The following CHSY1 variants were observed in gnomAD, a reference collection of about 807,000 sequenced individuals.
The protein encoded by CHSY1 is N-acetylgalactosaminyl-proteoglycan 3-beta-glucuronosyltransferase 1.
In CHSY1, 13 loss-of-function variants were observed where a neutral mutation model predicts 59.8. The ratio of observed to expected loss-of-function variants is 0.22; its 90% CI spans 0.14 to 0.35. The LOEUF (loss-of-function observed/expected upper bound fraction) is 0.35, where lower values mean the gene tolerates loss of function less well. Among genes scored for constraint, CHSY1 ranks in the 10% least tolerant of loss-of-function variants. The pLI is 1.00. For synonymous variants in CHSY1, 459 were observed against 401.2 expected (o/e 1.14, Z -1.72); for missense variants, 947 against 1,030.6 (o/e 0.92, Z 1.11).
intron 2 of CHSY1, among the ~76,000 whole-genome samples, chr15:101,206,403 C>CATG (rs1266575334): frequency 1.3e-5 from 2 of 152,122 alleles, no homozygotes; most frequent in Non-Finnish European, 2.9e-5. Flanking sequence ...TGAGGGAGGA[C>CATG]ATGGCACACT....
intron 1 of CHSY1, among the ~76,000 whole-genome samples, chr15:101,248,493 G>A (rs577966395): frequency 1.3e-5 from 2 of 152,350 alleles, no homozygotes; most frequent in South Asian, 2.1e-4. Context: ...TTCTGTGAGA[G>A]AGCTGGAGTG....
intron 1 of CHSY1, among the ~76,000 whole-genome samples, chr15:101,237,868 T>C (rs1210814849): frequency 6.6e-6 from 1 of 152,252 alleles, no homozygotes. Flanking sequence ...AGTTATCAAA[T>C]GATGTTCTTT....
chr15:101,210,866 C>G (rs971163327), intron 2 of CHSY1, among the ~76,000 whole-genome samples: 14 of 152,162 alleles, frequency 9.2e-5, no homozygotes, highest in African/African-American at 3.1e-4. Context: ...CCAAGAAAAA[C>G]AGACAAGAGA....
At chr15:101,208,532 G>A (rs1196798547) in intron 2 of CHSY1, among the ~76,000 whole-genome samples, 1 of 152,104 alleles carries the variant, frequency 6.6e-6, no homozygotes, top group Non-Finnish European at 1.5e-5. Context: ...GACCAACATG[G>A]TGAAACCCCG....
At chr15:101,195,817 C>T (rs1212460916) in intron 2 of CHSY1, among the ~76,000 whole-genome samples, 65 of 126,482 alleles carry the variant, frequency 5.1e-4, no homozygotes, top group Admixed American at 1.8e-3. Context: ...AGCAAGACTC[C>T]GTCTCAAAAA....
Position 101,251,225 on chromosome 15 carries a change from C to G in CHSY1, c.232G>C (p.Asp78His). ...AQLWPPGSDP[D>H]GGPRDRNFLF... is the part of the protein sequence containing the mutation. ...AAGTTCCTGTCGCGCGGGCCGCCAT[C>G]TGGGTCCGAGCCGGGCGGCCAGAGC... Residue 78 changes from aspartate to histidine, a missense_variant, in exon 1 of 3, where the codon GAT becomes CAT. By Grantham distance (81) the Asp-to-His change is moderately conservative. Coordinates refer to ENST00000254190, the MANE Select transcript of CHSY1 (RefSeq NM_014918.5). The G allele has an allele frequency of 5.7e-6, 9 of 1,588,852 alleles. No homozygotes were observed. The highest frequency in any genetic ancestry group is 7.7e-6 in the Non-Finnish European group (9 of 1,172,246).
intron 1 of CHSY1, among the ~76,000 whole-genome samples, chr15:101,249,880 C>A (rs1362003533): frequency 6.6e-6 from 1 of 152,158 alleles, no homozygotes; most frequent in African/African-American, 2.4e-5. Flanking sequence ...CCCTTCCTGG[C>A]GGAATGTGGG....
At chr15:101,208,486 G>A (rs2038649686) in intron 2 of CHSY1, among the ~76,000 whole-genome samples, 1 of 152,174 alleles carries the variant, frequency 6.6e-6, no homozygotes. Context: ...CCCAAGGCGG[G>A]TGGATCATTT....
chr15:101,235,884 C>A (rs1372978881), intron 1 of CHSY1, among the ~76,000 whole-genome samples: 1 of 152,136 alleles, frequency 6.6e-6, no homozygotes, highest in Non-Finnish European at 1.5e-5. Context: ...TTTTGTGATA[C>A]TATCAACTCC....
rs976905108 is a variant in CHSY1, at chr15:101,251,938, A to C, written c.-482T>G. 29 of 151,108 alleles carry C rather than the reference A, an allele frequency of 1.9e-4. No homozygotes were observed. Among genetic ancestry groups the C allele is most frequent in the African/African-American group, 5.8e-4 (24 of 41,374 alleles). The allele number at this position is 151,108 out of a possible 1,614,324, so 9.4% of individuals were successfully genotyped here. On this transcript the variant is annotated 5_prime_UTR_variant, in exon 1 of 3. Coordinates refer to ENST00000254190, the MANE Select transcript of CHSY1 (RefSeq NM_014918.5). ...ATCCTCCGGCTTAGCTCGCCATTGC[A>C]ACAGGAGCCCCTCACGTCACGCACG...
At chr15:101,180,511 A>AGCC (rs2038262705) in intron 2 of CHSY1, among the ~76,000 whole-genome samples, 1 of 152,170 alleles carries the variant, frequency 6.6e-6, no homozygotes, top group African/African-American at 2.4e-5. Flanking sequence ...TCCCTAGGCT[A>AGCC]GGAGGAGAAA....
chr15:101,183,643 A>G (rs2141240962), intron 2 of CHSY1, among the ~76,000 whole-genome samples: 1 of 152,360 alleles, frequency 6.6e-6, no homozygotes, highest in African/African-American at 2.4e-5. Flanking sequence ...CCAGGAAACA[A>G]GACGCATGGG....
chr15:101,208,548 A>C (rs2038650462), intron 2 of CHSY1, among the ~76,000 whole-genome samples: 2 of 152,134 alleles, frequency 1.3e-5, no homozygotes. Flanking sequence ...CCCCGTCTCT[A>C]CTAAAAATAC....
chr15:101,240,221 T>C (rs936146552), intron 1 of CHSY1, among the ~76,000 whole-genome samples: 1 of 152,208 alleles, frequency 6.6e-6, no homozygotes, highest in African/African-American at 2.4e-5. Context: ...TCCTTTAACT[T>C]GAAGAGCTCC....
intron 1 of CHSY1, among the ~76,000 whole-genome samples, chr15:101,236,060 A>T (rs1335480710): frequency 6.6e-6 from 1 of 152,226 alleles, no homozygotes; most frequent in Non-Finnish European, 1.5e-5. Context: ...AGAGACAGAC[A>T]CTTACCAGAA....
At chr15:101,205,954 A>C (rs1184764914) in intron 2 of CHSY1, among the ~76,000 whole-genome samples, 1 of 151,834 alleles carries the variant, frequency 6.6e-6, no homozygotes, top group Admixed American at 6.6e-5. Context: ...TCCGTCTCAA[A>C]AAAAAAAAAA....
chr15:101,249,818 A>G (rs531684682), intron 1 of CHSY1, among the ~76,000 whole-genome samples: 1 of 152,314 alleles, frequency 6.6e-6, no homozygotes, highest in East Asian at 1.9e-4. Flanking sequence ...CCCCGCCTGC[A>G]TTAGTCTGTA....
chr15:101,180,274 C>T (rs998533667), intron 2 of CHSY1, among the ~76,000 whole-genome samples: 1 of 152,220 alleles, frequency 6.6e-6, no homozygotes, highest in Non-Finnish European at 1.5e-5. Context: ...CTAACCTCTA[C>T]CTCCTGGGCA....
At chr15:101,188,087 A>C (rs1596429666) in intron 2 of CHSY1, 1 of 985,474 alleles carries the variant, frequency 1.0e-6, no homozygotes, top group African/African-American at 1.7e-5. Context: ...AACTGTTTAC[A>C]TGACTGTCCT....
Sources: allele counts gnomAD v4.1 joint callset (sites outside exome capture counted in the v4.1 genomes callset), GRCh38; gene constraint gnomAD v4.1.1; transcripts MANE v1.5; gene names NCBI Gene and HGNC (gene_info 2026-07-23, HGNC 2026-07-21).